Variants in ACAA2 observed in about 807,000 individuals in gnomAD.
ACAA2 encodes acetyl-CoA acyltransferase 2.
Under a neutral mutation model 44.8 loss-of-function variants are expected in ACAA2, and 35 were observed. That is an observed-to-expected ratio of 0.78 (90% confidence interval 0.60 to 1.04). ACAA2 has a LOEUF of 1.04. ACAA2 is among the 50% of genes least tolerant of loss of function. ACAA2 has a pLI of 0.00. For missense variants in ACAA2, 468 were observed against 482.6 expected, an observed-to-expected ratio of 0.97 and a Z score of 0.28; for synonymous variants, 142 against 166.5, an observed-to-expected ratio of 0.85 and a Z score of 1.13.
In ACAA2 at chr18:49,783,232, T is replaced by A. The variant is rs189808686; in HGVS notation, c.*615A>T. The A allele has an allele frequency of 3.9e-5, 6 of 152,420 alleles. 1 individual carries two copies. The highest frequency in any genetic ancestry group is 1.4e-4 in the African/African-American group (6 of 41,588). 9.4% of individuals were successfully genotyped at this position (152,420 alleles called of 1,614,324 possible). A position where few individuals can be genotyped will look rare whatever the true frequency, so the allele number is the denominator to read the frequency against. On this transcript the variant is annotated 3_prime_UTR_variant, in exon 10 of 10. Transcript: ENST00000285093. ...GGACAGATATTTATAATTTCACTTA[T>A]GAGGTACCTCGAGTCATCAAATTTA...
chr18:49,804,115 T>C (rs1220593280), intron 1 of ACAA2, among the ~76,000 whole-genome samples: 1 of 152,128 alleles, frequency 6.6e-6, no homozygotes, highest in African/African-American at 2.4e-5. Flanking sequence ...TTCACCATGT[T>C]GGCCAGGCTG....
At position 49,785,336 on chromosome 18, in the gene ACAA2, C is replaced by G. The variant is rs756168037; in HGVS notation, c.970G>C (p.Ala324Pro). Reference sequence around the variant, plus strand: ...CTCTCAACAGCCAAGTACTGGGGAGCAAAAGCTTCATTCACCTTAAAACAA... The same window carrying G: ...CTCTCAACAGCCAAGTACTGGGGAGGAAAAGCTTCATTCACCTTAAAACAA... ...MDLVEVNEAF[A>P]PQYLAVERSL... The change falls in exon 9 of 10, where the codon GCT becomes CCT. Residue 324 changes from alanine to proline, a missense_variant. Transcript: ENST00000285093. The G allele has an allele frequency of 1.2e-6, 2 of 1,612,650 alleles. No homozygotes were observed. Among genetic ancestry groups the G allele is most frequent in the East Asian group, 2.2e-5 (1 of 44,884 alleles).
rs1382891538 is a variant in ACAA2, at chr18:49,783,891, C to G, written c.1150G>C (p.Gly384Arg). The stretch of plus-strand genomic sequence containing the variant: ...ATGACAGCAATACCTTGGCCACCTC[C>G]AATGCAAGCTGATCCAACGGCATAT... ...GKYAVGSACI[G>R]GGQGIAVIIQ... The change falls in exon 10 of 10, where the codon GGA becomes CGA. Residue 384 changes from glycine (G) to arginine (R), a missense_variant. Physicochemically the swap from Gly to Arg is moderately radical, Grantham distance 125. Transcript: ENST00000285093. The G allele has an allele frequency of 6.2e-7, 1 of 1,614,022 alleles. No individual in the cohort carries two copies. Among genetic ancestry groups the G allele is most frequent in the South Asian group, 1.1e-5 (1 of 91,076 alleles).
intron 6 of ACAA2, 132 bp downstream of exon 6, chr18:49,792,020 T>C (rs2023407287): frequency 3.5e-6 from 2 of 574,140 alleles, no homozygotes; most frequent in Non-Finnish European, 5.7e-6. Context: ...CCTAAATTAA[T>C]TGAATATGAA....
chr18:49,794,639 C>G (rs1474012554), intron 4 of ACAA2, among the ~76,000 whole-genome samples: 2 of 152,180 alleles, frequency 1.3e-5, no homozygotes, highest in African/African-American at 4.8e-5. Flanking sequence ...TGCACACATT[C>G]TCTGTCCCTC....
chr18:49,801,530 AT>A, intron 2 of ACAA2, among the ~76,000 whole-genome samples: 1 of 152,212 alleles, frequency 6.6e-6, no homozygotes, highest in African/African-American at 2.4e-5. Context: ...AATATTGAGA[AT>A]TCTTTATGAA....
intron 9 of ACAA2, 71 bp from the exon 10 acceptor site, chr18:49,784,002 T>C (rs558108945): frequency 1.6e-6 from 2 of 1,226,486 alleles, no homozygotes; most frequent in Non-Finnish European, 2.4e-6. Flanking sequence ...ACTAATAACA[T>C]CACATCTGCA....
chr18:49,784,124 A>AC lies in ACAA2; in HGVS notation c.1110-194dup, dbSNP rs1312738741. Reference sequence around the variant, plus strand: ...AGCTGAAAGTTTTTAATCAAAAAAAACAAAAAACAAAGAACAAAAACAAAC... The same window carrying AC: ...AGCTGAAAGTTTTTAATCAAAAAAAACCAAAAAACAAAGAACAAAAACAAAC... On this transcript the variant is annotated intron_variant, in intron 9 of 9. Coordinates refer to ENST00000285093, the MANE Select transcript of ACAA2 (RefSeq NM_006111.3). Among the ~76,000 whole-genome samples the AC allele has an allele frequency of 7.3e-5, 11 of 151,704 alleles. No homozygotes were observed. The South Asian group carries it at 2.1e-3, about 30-fold the overall frequency.
chr18:49,787,602 A>C (rs946071617), intron 7 of ACAA2, among the ~76,000 whole-genome samples: 2 of 152,022 alleles, frequency 1.3e-5, no homozygotes, highest in African/African-American at 4.8e-5. Context: ...AAGTGGGAGG[A>C]TCACTTTAGC....
chr18:49,784,953 C>T (rs2023310155), intron 9 of ACAA2, among the ~76,000 whole-genome samples: 1 of 152,102 alleles, frequency 6.6e-6, no homozygotes, highest in Non-Finnish European at 1.5e-5. Context: ...GTGGGGCACA[C>T]AGTGCACAGA....
At chr18:49,800,540 T>C (rs555498109) in intron 2 of ACAA2, among the ~76,000 whole-genome samples, 31 of 152,200 alleles carry the variant, frequency 2.0e-4, no homozygotes, top group Non-Finnish European at 4.4e-4. Flanking sequence ...CTTTTCATTT[T>C]GTTTTGTACT....
intron 2 of ACAA2, among the ~76,000 whole-genome samples, chr18:49,802,275 A>T (rs935656776): frequency 2.6e-5 from 4 of 152,190 alleles, no homozygotes; most frequent in Non-Finnish European, 5.9e-5. Flanking sequence ...TAAAGTCTGT[A>T]ACTATTGGCT....
rs564722797 is a variant in ACAA2 at position 49,812,515 on chromosome 18, C to T, written c.16+954G>A. 2.0e-5 allele frequency among the ~76,000 whole-genome samples: 3 copies of T among 152,256 alleles called. No homozygotes were observed. In the East Asian group the frequency reaches 5.8e-4, roughly 29 times the overall value. On this transcript the variant is annotated intron_variant, in intron 1 of 9. Transcript: ENST00000285093. ...ATCCACCTCCAAATCTATCTCAACT[C>T]ATCCCTCCCCTTTTCTCCCCAATTA...
At chr18:49,812,344 C>G (rs1474629116) in intron 1 of ACAA2, among the ~76,000 whole-genome samples, 1 of 145,958 alleles carries the variant, frequency 6.9e-6, no homozygotes, top group Non-Finnish European at 1.5e-5. Flanking sequence ...CTCAATCCTT[C>G]TTTCCACATC....
chr18:49,811,574 A>C (rs1403458127), intron 1 of ACAA2: 2 of 152,304 alleles, frequency 1.3e-5, no homozygotes, highest in East Asian at 3.9e-4. Context: ...ATTTAACTCA[A>C]ATGTGTCCTT....
At chr18:49,788,782 C>T (rs946444516) in intron 7 of ACAA2, among the ~76,000 whole-genome samples, 1 of 152,210 alleles carries the variant, frequency 6.6e-6, no homozygotes, top group African/African-American at 2.4e-5. Flanking sequence ...TAACAATATG[C>T]TAGGCCATAA....
intron 3 of ACAA2, among the ~76,000 whole-genome samples, chr18:49,796,972 A>G (rs2023471710): frequency 6.6e-6 from 1 of 152,112 alleles, no homozygotes; most frequent in East Asian, 1.9e-4. Context: ...TGAAGTATAT[A>G]TATATATATA....
intron 5 of ACAA2, 32 bp downstream of exon 5, chr18:49,794,248 T>G (rs771325310): frequency 6.5e-7 from 1 of 1,536,122 alleles, no homozygotes; most frequent in African/African-American, 1.4e-5. Context: ...ATATTTATTC[T>G]ATAGATACTG....
intron 2 of ACAA2, among the ~76,000 whole-genome samples, chr18:49,800,843 C>T (rs2023538602): frequency 2.5e-5 from 1 of 39,296 alleles, no homozygotes; most frequent in African/African-American, 1.2e-4. Flanking sequence ...CCACTATTGT[C>T]CTGTGGGCCA....
Sources: gnomAD v4.1 joint callset for allele counts (sites outside exome capture counted in the v4.1 genomes callset) on GRCh38, gnomAD v4.1.1 for gene constraint, MANE v1.5 for transcripts, NCBI Gene and HGNC (gene_info 2026-07-23, HGNC 2026-07-21) for gene names.